Variants in ZEB1 observed in about 807,000 individuals in gnomAD.
The protein encoded by ZEB1 is zinc finger E-box-binding homeobox 1.
ZEB1 carries 21 observed loss-of-function variants against 84.9 expected under a neutral mutation model. The ratio of observed to expected loss-of-function variants is 0.25; its 90% confidence interval spans 0.18 to 0.36. The LOEUF is 0.36. ZEB1 is among the 10% of genes least tolerant of loss of function. The pLI, the probability that ZEB1 is intolerant of heterozygous loss-of-function variation, is 1.00. For synonymous variants in ZEB1, 420 were observed against 471.1 expected (o/e 0.89, Z 1.41); for missense variants, 1,104 against 1,330.2 (o/e 0.83, Z 2.65).
At chr10:31,332,588 A>T (rs1419372368) in intron 1 of ZEB1, among the ~76,000 whole-genome samples, 3 of 152,156 alleles carry the variant, frequency 2.0e-5, no homozygotes, top group Admixed American at 2.0e-4. Context: ...TATTTACCTG[A>T]ATGTTTCTCA....
intron 1 of ZEB1, among the ~76,000 whole-genome samples, chr10:31,431,254 C>G (rs1386738957): frequency 6.6e-6 from 1 of 152,202 alleles, no homozygotes; most frequent in East Asian, 1.9e-4. Flanking sequence ...ACATACCTCT[C>G]CTGTTATTTT....
intron 1 of ZEB1, chr10:31,363,338 C>T: frequency 3.3e-6 from 5 of 1,534,176 alleles, no homozygotes; most frequent in Non-Finnish European, 4.4e-6. Context: ...CTGGCGACTC[C>T]ATGGCCCTTG....
At chr10:31,446,969 T>C (rs2059867925) in intron 1 of ZEB1, among the ~76,000 whole-genome samples, 1 of 152,056 alleles carries the variant, frequency 6.6e-6, no homozygotes, top group East Asian at 1.9e-4. Flanking sequence ...TGGGTATCCT[T>C]GTTGACTTTC....
chr10:31,420,452 T>TC (rs896770927), intron 1 of ZEB1, among the ~76,000 whole-genome samples: 1 of 152,130 alleles, frequency 6.6e-6, no homozygotes, highest in Non-Finnish European at 1.5e-5. Flanking sequence ...CACAGGCAGT[T>TC]CACAATATGG....
At chr10:31,451,790 G>A (rs2060597489) in intron 1 of ZEB1, among the ~76,000 whole-genome samples, 1 of 152,164 alleles carries the variant, frequency 6.6e-6, no homozygotes, top group Admixed American at 6.6e-5. Flanking sequence ...GGTAATTTGG[G>A]AGGATGGCTC....
chr10:31,333,653 A>G (rs899572617), intron 1 of ZEB1, among the ~76,000 whole-genome samples: 5 of 152,078 alleles, frequency 3.3e-5, no homozygotes, highest in African/African-American at 1.2e-4. Context: ...GAAGAAAGAA[A>G]ACATGGAAAA....
At chr10:31,388,586 C>T (rs564205808) in intron 1 of ZEB1, among the ~76,000 whole-genome samples, 4 of 151,986 alleles carry the variant, frequency 2.6e-5, no homozygotes, top group East Asian at 1.9e-4. Context: ...TGTAAATGGT[C>T]GAGGAGTTAG....
chr10:31,341,899 G>A (rs2039441327), intron 1 of ZEB1, among the ~76,000 whole-genome samples: 1 of 152,190 alleles, frequency 6.6e-6, no homozygotes, highest in Admixed American at 6.5e-5. Flanking sequence ...TGGTGGGGGA[G>A]ATCAGAATGT....
At chr10:31,461,550 C>G (rs1384575018) in intron 2 of ZEB1, among the ~76,000 whole-genome samples, 1 of 152,006 alleles carries the variant, frequency 6.6e-6, no homozygotes, top group Non-Finnish European at 1.5e-5. Context: ...GAATACTCTA[C>G]TTAGAAACCA....
At chr10:31,371,919 T>C (rs2045778031) in intron 1 of ZEB1, among the ~76,000 whole-genome samples, 1 of 152,182 alleles carries the variant, frequency 6.6e-6, no homozygotes, top group Admixed American at 6.5e-5. Flanking sequence ...TTATTCACTT[T>C]ATATTCTCTT....
chr10:31,350,000 T>C (rs2041042252), intron 1 of ZEB1, among the ~76,000 whole-genome samples: 1 of 152,172 alleles, frequency 6.6e-6, no homozygotes, highest in Admixed American at 6.5e-5. Context: ...CCCATACCAG[T>C]GTCAGAGAGC....
intron 4 of ZEB1, among the ~76,000 whole-genome samples, chr10:31,508,850 TG>T (rs2069449211): frequency 6.6e-6 from 1 of 152,048 alleles, no homozygotes; most frequent in Non-Finnish European, 1.5e-5. Flanking sequence ...CGGCTGTGGA[TG>T]GGGTAGCCTG....
intron 2 of ZEB1, among the ~76,000 whole-genome samples, chr10:31,463,448 T>C (rs2062032806): frequency 6.6e-6 from 1 of 152,198 alleles, no homozygotes. Flanking sequence ...GAAGACACTT[T>C]GGTCCTGAAT....
chr10:31,449,740 C>G (rs1206415888), intron 1 of ZEB1, among the ~76,000 whole-genome samples: 2 of 152,124 alleles, frequency 1.3e-5, no homozygotes, highest in Non-Finnish European at 2.9e-5. Context: ...TTATGTTCTC[C>G]TACCACCACC....
chr10:31,450,090 T>G (rs575491530), intron 1 of ZEB1, among the ~76,000 whole-genome samples: 1 of 152,286 alleles, frequency 6.6e-6, no homozygotes, highest in Non-Finnish European at 1.5e-5. Flanking sequence ...TCATTTAGAT[T>G]TAGAATCCAA....
At chr10:31,320,510 G>C (rs1196603943) in intron 1 of ZEB1, 1 of 152,104 alleles carries the variant, frequency 6.6e-6, no homozygotes, top group Non-Finnish European at 1.5e-5. Context: ...CGGACGGACC[G>C]ACGGACGCGC....
intron 1 of ZEB1, among the ~76,000 whole-genome samples, chr10:31,361,826 T>C (rs372414795): frequency 1.4e-3 from 167 of 122,108 alleles, no homozygotes; most frequent in African/African-American, 4.9e-3. Context: ...GCGCTCCTCA[T>C]TTCCCAGACG....
intron 1 of ZEB1, among the ~76,000 whole-genome samples, chr10:31,398,246 A>C (rs1162763394): frequency 6.6e-6 from 1 of 152,184 alleles, no homozygotes; most frequent in African/African-American, 2.4e-5. Flanking sequence ...GGCAGCTCTT[A>C]AAAATTATAC....
chr10:31,346,535 A>G (rs767019636), intron 1 of ZEB1, among the ~76,000 whole-genome samples: 1 of 152,114 alleles, frequency 6.6e-6, no homozygotes, highest in Non-Finnish European at 1.5e-5. Context: ...CAAAAAATAA[A>G]TATAAAATTG....
Sources: allele counts gnomAD v4.1 joint callset (sites outside exome capture counted in the v4.1 genomes callset), GRCh38; gene constraint gnomAD v4.1.1; transcripts MANE v1.5; gene names NCBI Gene and HGNC (gene_info 2026-07-23, HGNC 2026-07-21).